The following PCNX4 variants were observed in gnomAD, a reference collection of about 807,000 sequenced individuals.
The protein encoded by PCNX4 is pecanex 4, also known as pecanex-like protein 4.
In PCNX4, 103 loss-of-function variants were observed where a neutral mutation model predicts 107.2. That is an observed-to-expected ratio of 0.96 (90% CI 0.82 to 1.13). PCNX4 has a LOEUF of 1.13. Ranked by LOEUF, PCNX4 falls within the 50% of genes most tolerant of loss-of-function variation. The pLI, the probability that PCNX4 is intolerant of heterozygous loss-of-function variation, is 0.00. For missense variants in PCNX4, 1,528 were observed against 1,379.4 expected (o/e 1.11, Z -1.71); for synonymous variants, 541 against 481.7 (o/e 1.12, Z -1.61).
At position 60,134,999 on chromosome 14, in the gene PCNX4, A is replaced by G. The variant is rs181589288; in HGVS notation, c.*778A>G. On this transcript the variant is annotated 3_prime_UTR_variant, in exon 11 of 11. Transcript: ENST00000406854. Reference sequence around the variant, plus strand: ...TTACCCAACAGGACTACCAGTTACTAGTGTCTTAAGGTATATGAACTAAAG... The same window carrying G: ...TTACCCAACAGGACTACCAGTTACTGGTGTCTTAAGGTATATGAACTAAAG... 5.3e-5 allele frequency: 8 copies of G among 152,352 alleles called. No homozygotes were observed. The East Asian group carries it at 1.3e-3, about 26-fold the overall frequency. The allele number at this position is 152,352 out of a possible 1,614,324, so 9.4% of individuals were successfully genotyped here. A position where few individuals can be genotyped will look rare whatever the true frequency, so the allele number is the denominator to read the frequency against.
chr14:60,096,947 G>T (rs549824174), intron 1 of PCNX4, among the ~76,000 whole-genome samples: 1 of 152,304 alleles, frequency 6.6e-6, no homozygotes, highest in African/African-American at 2.4e-5. Flanking sequence ...CTTTTAATAA[G>T]TGGGAAACTG....
At position 60,135,973 on chromosome 14, in the gene PCNX4, GC is replaced by G. The variant is rs1388391161; in HGVS notation, c.*1753del. 2.0e-5 allele frequency: 3 copies of G among 152,106 alleles called. No individual in the cohort carries two copies. Among genetic ancestry groups the G allele is most frequent in the Admixed American group, 6.5e-5 (1 of 15,284 alleles). 9.4% of individuals were successfully genotyped at this position (152,106 alleles called of 1,614,324 possible). ...ATTTTCACTGTGATAATAATGTCAA[GC>G]TATGCCTTCGCTTAACCTTGCATCC... On this transcript the variant is annotated 3_prime_UTR_variant, in exon 11 of 11. Transcript: ENST00000406854.
At chr14:60,129,058 C>CA (rs1010393304) in intron 10 of PCNX4, among the ~76,000 whole-genome samples, 5 of 150,894 alleles carry the variant, frequency 3.3e-5, no homozygotes, top group African/African-American at 4.9e-5. Flanking sequence ...ACTAAAACTA[C>CA]AAAAAAAATT....
At chr14:60,092,955 T>C (rs955275159) in intron 1 of PCNX4, among the ~76,000 whole-genome samples, 1 of 152,258 alleles carries the variant, frequency 6.6e-6, no homozygotes, top group Non-Finnish European at 1.5e-5. Context: ...CATTTTTTAC[T>C]ATTTTTAGGT....
Position 60,122,096 on chromosome 14 carries a change from C to G in PCNX4, c.2046+797C>G, listed in dbSNP as rs540333157. On this transcript the variant is annotated intron_variant, in intron 8 of 10. Coordinates refer to ENST00000406854, the MANE Select transcript of PCNX4 (RefSeq NM_001330177.2). ...TTGTATACTCCCACGCCCAGTCCGA[C>G]AAGAAATCCTATGGGCTCCACCTGT... Among the ~76,000 whole-genome samples, 18 of 152,286 alleles carry G rather than the reference C, an allele frequency of 1.2e-4. 1 individual carries two copies. Among genetic ancestry groups the G allele is most frequent in the Admixed American group, 8.5e-4 (13 of 15,288 alleles).
intron 1 of PCNX4, among the ~76,000 whole-genome samples, 181 bp from the exon 2 acceptor site, chr14:60,107,405 G>A (rs182112544): frequency 2.0e-4 from 30 of 152,198 alleles, no homozygotes; most frequent in Admixed American, 7.8e-4. Flanking sequence ...GAGCATATTG[G>A]TTTTGTTTAT....
At chr14:60,112,906 A>C (rs1263580478) in intron 2 of PCNX4, among the ~76,000 whole-genome samples, 1 of 152,202 alleles carries the variant, frequency 6.6e-6, no homozygotes, top group Non-Finnish European at 1.5e-5. Flanking sequence ...AATTTGGTCC[A>C]GGCGCGGTGG....
intron 1 of PCNX4, among the ~76,000 whole-genome samples, chr14:60,103,774 A>G (rs962642617): frequency 1.3e-5 from 2 of 152,220 alleles, no homozygotes; most frequent in Admixed American, 6.5e-5. Flanking sequence ...GACTTCTGAC[A>G]TCTTAAAATT....
rs1896004063 is a variant in PCNX4 at position 60,124,199 on chromosome 14, C to G, written c.2047-19C>G. 6.6e-7 allele frequency: 1 copy of G among 1,507,386 alleles called. No individual in the cohort carries two copies. Among genetic ancestry groups the G allele is most frequent in the Non-Finnish European group, 8.9e-7 (1 of 1,129,364 alleles). The allele number at this position is 1,507,386 out of a possible 1,614,324, so 93.4% of individuals were successfully genotyped here. A position where few individuals can be genotyped will look rare whatever the true frequency, so the allele number is the denominator to read the frequency against. ...TAATAAATGATTATAAACTCAAGTA[C>G]TTTTTATTTCTTCTTTAGGGGTTAG... is the stretch of plus-strand genomic sequence containing the variant. On this transcript the variant is annotated intron_variant, in intron 8 of 10. Transcript: ENST00000406854.
rs1470126621 is a variant in PCNX4, at chr14:60,136,159, A to G, written c.*1938A>G. Reference sequence around the variant, plus strand: ...TCACTATTGACCTTTTTATTGTCAAACCAGCTAGTAGTAATTGACACATTT... The same window carrying G: ...TCACTATTGACCTTTTTATTGTCAAGCCAGCTAGTAGTAATTGACACATTT... On this transcript the variant is annotated 3_prime_UTR_variant, in exon 11 of 11. Transcript: ENST00000406854. The G allele has an allele frequency of 6.6e-6, 1 of 152,076 alleles. No homozygotes were observed. The highest frequency in any genetic ancestry group is 1.9e-4 in the East Asian group (1 of 5,190). The allele number at this position is 152,076 out of a possible 1,614,324, so 9.4% of individuals were successfully genotyped here.
chr14:60,144,838 A>G lies in PCNX4; in HGVS notation c.*10617A>G. 1.3e-6 allele frequency: 1 copy of G among 793,098 alleles called. No individual in the cohort carries two copies. Among genetic ancestry groups the G allele is most frequent in the South Asian group, 1.6e-5 (1 of 61,746 alleles). The allele number at this position is 793,098 out of a possible 1,614,324, so 49.1% of individuals were successfully genotyped here. A position where few individuals can be genotyped will look rare whatever the true frequency, so the allele number is the denominator to read the frequency against. ...ATTTTTTATTTCATTCCATGTTGGAAGCAAAGTCATATCTATTAAAAAGTA... is the reference window on the plus strand; with the variant it reads ...ATTTTTTATTTCATTCCATGTTGGAGGCAAAGTCATATCTATTAAAAAGTA... On this transcript the variant is annotated 3_prime_UTR_variant, in exon 11 of 11. Transcript: ENST00000406854.
At chr14:60,099,591 G>C (rs1025517251) in intron 1 of PCNX4, among the ~76,000 whole-genome samples, 1 of 152,200 alleles carries the variant, frequency 6.6e-6, no homozygotes, top group Non-Finnish European at 1.5e-5. Context: ...TTATCACTGA[G>C]CACATTGTAG....
intron 2 of PCNX4, among the ~76,000 whole-genome samples, chr14:60,113,932 G>A (rs1895787759): frequency 6.6e-6 from 1 of 152,168 alleles, no homozygotes; most frequent in African/African-American, 2.4e-5. Flanking sequence ...ACTGTTAAGT[G>A]CTGTGCCAAG....
intron 6 of PCNX4, among the ~76,000 whole-genome samples, chr14:60,117,851 A>T (rs308999): frequency 1.3e-5 from 2 of 151,960 alleles, no homozygotes; most frequent in Non-Finnish European, 2.9e-5. Context: ...GTAGTATTCA[A>T]TATGTATCTG....
chr14:60,100,815 C>T (rs1366027030), intron 1 of PCNX4, among the ~76,000 whole-genome samples: 1 of 152,136 alleles, frequency 6.6e-6, no homozygotes, highest in African/African-American at 2.4e-5. Context: ...AAATGTTTTA[C>T]CCAAAAATAT....
intron 8 of PCNX4, among the ~76,000 whole-genome samples, chr14:60,122,631 T>G (rs1895977197): frequency 6.6e-6 from 1 of 152,120 alleles, no homozygotes; most frequent in South Asian, 2.1e-4. Context: ...TACTTATACC[T>G]TCTCACAAAC....
rs1486675492 is a variant in PCNX4, at chr14:60,136,453, C to T, written c.*2232C>T. 3 of 152,150 alleles carry T rather than the reference C, an allele frequency of 2.0e-5. No individual in the cohort carries two copies. The highest frequency in any genetic ancestry group is 2.0e-4 in the Admixed American group (3 of 15,272). The allele number at this position is 152,150 out of a possible 1,614,324, so 9.4% of individuals were successfully genotyped here. The stretch of plus-strand genomic sequence containing the variant: ...ATCAAATATATGTACCTAACCCAAC[C>T]TCTCTTCTTACACTGAACCTATATA... On this transcript the variant is annotated 3_prime_UTR_variant, in exon 11 of 11. Coordinates refer to ENST00000406854, the MANE Select transcript of PCNX4 (RefSeq NM_001330177.2).
At chr14:60,100,937 A>G (rs1373053437) in intron 1 of PCNX4, among the ~76,000 whole-genome samples, 2 of 152,176 alleles carry the variant, frequency 1.3e-5, no homozygotes, top group African/African-American at 4.8e-5. Flanking sequence ...TCCAGATCCA[A>G]GAGATAATCA....
chr14:60,102,779 C>G (rs1895557798), intron 1 of PCNX4, among the ~76,000 whole-genome samples: 1 of 151,924 alleles, frequency 6.6e-6, no homozygotes, highest in South Asian at 2.1e-4. Flanking sequence ...AATAGTCTTT[C>G]AGAACTATGT....
Sources: allele counts gnomAD v4.1 joint callset (sites outside exome capture counted in the v4.1 genomes callset), GRCh38; gene constraint gnomAD v4.1.1; transcripts MANE v1.5; gene names NCBI Gene and HGNC (gene_info 2026-07-23, HGNC 2026-07-21).